TGFA: variants seen among roughly 807,000 people sequenced by gnomAD.
The protein encoded by TGFA is transforming growth factor alpha, also known as protransforming growth factor alpha.
TGFA carries 12 observed loss-of-function variants against 21.7 expected under a neutral mutation model. The observed-to-expected ratio is 0.55, with a 90% confidence interval of 0.35 to 0.90. TGFA has a LOEUF of 0.90. Ranked by LOEUF, TGFA falls within the 40% of genes least tolerant of loss-of-function variation. The probability of loss-of-function intolerance (pLI) is 0.01; values close to 1 mark genes in which losing one functional copy is unlikely to be tolerated. For synonymous variants in TGFA, 79 were observed against 88.1 expected (o/e 0.90, Z 0.58); for missense variants, 178 against 210.8 (o/e 0.84, Z 0.96).
chr2:70,449,596 G>A lies in TGFA; in HGVS notation c.*1263C>T. ...CCCACATAGTGGAGGTGACTTGTTAGAGTTTTTGTTAATAAAGCCGGCATC... is the reference window on the plus strand; with the variant it reads ...CCCACATAGTGGAGGTGACTTGTTAAAGTTTTTGTTAATAAAGCCGGCATC... On this transcript the variant is annotated 3_prime_UTR_variant, in exon 6 of 6. Transcript: ENST00000295400. The A allele has an allele frequency of 3.3e-6, 1 of 300,058 alleles. No homozygotes were observed. 18.6% of individuals were successfully genotyped at this position (300,058 alleles called of 1,614,324 possible).
intron 2 of TGFA, among the ~76,000 whole-genome samples, chr2:70,473,511 G>A (rs1010025238): frequency 2.0e-5 from 3 of 151,810 alleles, no homozygotes; most frequent in African/African-American, 7.3e-5. Flanking sequence ...GAAACTGATC[G>A]ACAGGGGCAT....
chr2:70,549,930 C>A (rs1462688945), intron 1 of TGFA, among the ~76,000 whole-genome samples: 1 of 152,172 alleles, frequency 6.6e-6, no homozygotes, highest in African/African-American at 2.4e-5. Flanking sequence ...GCTTTACAGC[C>A]CATGTTCTAA....
At chr2:70,547,045 T>C (rs147350596) in intron 1 of TGFA, among the ~76,000 whole-genome samples, 32 of 152,326 alleles carry the variant, frequency 2.1e-4, no homozygotes, top group Admixed American at 6.5e-4. Flanking sequence ...CATGTATTTA[T>C]GTAGGATATA....
chr2:70,469,624 G>A (rs782472113), intron 2 of TGFA, among the ~76,000 whole-genome samples: 25 of 152,124 alleles, frequency 1.6e-4, no homozygotes, highest in Admixed American at 1.1e-3. Flanking sequence ...GGTGCGAGCC[G>A]CCACGTCTGG....
At chr2:70,469,168 G>T (rs1376346826) in intron 2 of TGFA, among the ~76,000 whole-genome samples, 3 of 152,102 alleles carry the variant, frequency 2.0e-5, no homozygotes, top group Non-Finnish European at 4.4e-5. Context: ...CCCTGAGTTT[G>T]CCTGCCACCC....
intron 2 of TGFA, among the ~76,000 whole-genome samples, chr2:70,492,769 T>A (rs1671471256): frequency 6.6e-6 from 1 of 152,186 alleles, no homozygotes; most frequent in African/African-American, 2.4e-5. Flanking sequence ...AAATGTTGGG[T>A]TAACAAGTCA....
At chr2:70,534,228 C>A (rs562797914) in intron 1 of TGFA, among the ~76,000 whole-genome samples, 5 of 152,326 alleles carry the variant, frequency 3.3e-5, no homozygotes, top group African/African-American at 1.2e-4. Context: ...AGGTTCATGT[C>A]ATCGCTAAAG....
At chr2:70,536,998 C>CT (rs35098749) in intron 1 of TGFA, among the ~76,000 whole-genome samples, 1,968 of 136,744 alleles carry the variant, frequency 0.014, 36 homozygotes, top group African/African-American at 0.035. Context: ...TTTTCTTTTT[C>CT]TTTTTTTTTT....
At chr2:70,506,575 C>T (rs952885703) in intron 2 of TGFA, among the ~76,000 whole-genome samples, 2 of 152,192 alleles carry the variant, frequency 1.3e-5, no homozygotes, top group African/African-American at 4.8e-5. Context: ...TTGCTTCACA[C>T]TGTATGCATC....
chr2:70,506,703 C>T (rs942946376), intron 2 of TGFA, among the ~76,000 whole-genome samples: 7 of 152,130 alleles, frequency 4.6e-5, no homozygotes, highest in African/African-American at 1.7e-4. Flanking sequence ...TCACATCAAC[C>T]CTATGATAGG....
intron 1 of TGFA, among the ~76,000 whole-genome samples, chr2:70,532,550 G>T (rs185685172): frequency 6.6e-6 from 1 of 152,208 alleles, no homozygotes; most frequent in African/African-American, 2.4e-5. Flanking sequence ...TCACAAGGGC[G>T]GCTGGTGCCG....
rs552140930 is a variant in TGFA, at chr2:70,496,340, C to G, written c.94+18519G>C. On this transcript the variant is annotated intron_variant, in intron 2 of 5. Coordinates refer to ENST00000295400, the MANE Select transcript of TGFA (RefSeq NM_003236.4). ...CTCCAAAATATGCTTCTACCAGAAC[C>G]CTTTCTTGTTACCACCAAGTTCTTT... is the stretch of plus-strand genomic sequence containing the variant. 2.0e-5 allele frequency among the ~76,000 whole-genome samples: 3 copies of G among 152,234 alleles called. No homozygotes were observed. The East Asian group carries it at 5.8e-4, about 29-fold the overall frequency.
intron 2 of TGFA, among the ~76,000 whole-genome samples, chr2:70,485,690 A>G (rs1330968014): frequency 2.0e-5 from 3 of 152,204 alleles, no homozygotes; most frequent in Admixed American, 6.5e-5. Flanking sequence ...GCTTAGGGAC[A>G]TACTGATCAG....
chr2:70,504,890 G>C (rs2103825961), intron 2 of TGFA, among the ~76,000 whole-genome samples: 1 of 152,208 alleles, frequency 6.6e-6, no homozygotes, highest in East Asian at 1.9e-4. Flanking sequence ...CAGTTACCTG[G>C]GTTTAAATCC....
intron 1 of TGFA, chr2:70,553,441 C>A: frequency 7.0e-7 from 1 of 1,420,974 alleles, no homozygotes; most frequent in South Asian, 1.5e-5. Flanking sequence ...ACAGCTGCGG[C>A]GGATTAAAGT....
intron 2 of TGFA, among the ~76,000 whole-genome samples, chr2:70,476,080 CA>C (rs1175233983): frequency 0.035 from 1,970 of 55,572 alleles, 5 homozygotes; most frequent in Middle Eastern, 0.056. Flanking sequence ...TAATTTTAAG[CA>C]AAAAAAAAAA....
At chr2:70,473,680 G>GA (rs3841908) in intron 2 of TGFA, among the ~76,000 whole-genome samples, 40,864 of 134,986 alleles carry the variant, frequency 0.3, 6,146 homozygotes, top group East Asian at 0.42. Context: ...TGCTGTCTTA[G>GA]AGGGGGGTGT....
chr2:70,553,412 C>A, intron 1 of TGFA: 2 of 1,441,938 alleles, frequency 1.4e-6, no homozygotes, highest in Non-Finnish European at 1.8e-6. Flanking sequence ...TAGGTGTAGG[C>A]ATGTGTCTGA....
chr2:70,486,616 C>A (rs576894772), intron 2 of TGFA, among the ~76,000 whole-genome samples: 1 of 152,170 alleles, frequency 6.6e-6, no homozygotes, highest in South Asian at 2.1e-4. Context: ...TGCGCGCTAC[C>A]ACACCAGGCT....
Sources: gnomAD v4.1 joint callset for allele counts (sites outside exome capture counted in the v4.1 genomes callset) on GRCh38, gnomAD v4.1.1 for gene constraint, MANE v1.5 for transcripts, NCBI Gene and HGNC (gene_info 2026-07-23, HGNC 2026-07-21) for gene names.